The following PACRGL variants were observed in gnomAD, a reference collection of about 807,000 sequenced individuals.
PACRGL encodes the protein PACRG-like protein.
Under a neutral mutation model 34.5 loss-of-function variants are expected in PACRGL, and 38 were observed. The ratio of observed to expected loss-of-function variants is 1.10; its 90% CI spans 0.85 to 1.44. The LOEUF (loss-of-function observed/expected upper bound fraction) is 1.44, where lower values mean the gene tolerates loss of function less well. Among genes scored for constraint, PACRGL ranks in the 40% most tolerant of loss-of-function variants. The pLI is 0.00. For missense variants in PACRGL, 305 were observed against 281.4 expected (o/e 1.08, Z -0.60); for synonymous variants, 128 against 100.1 (o/e 1.28, Z -1.66).
Position 20,727,744 on chromosome 4 carries a change from A to G in PACRGL, c.*403A>G, listed in dbSNP as rs1167269971. Reference sequence around the variant, plus strand: ...TGGGTTTAATGTTTAACAAGGCTATAGAAGTTTAAAATAGTGGACAAATGT... The same window carrying G: ...TGGGTTTAATGTTTAACAAGGCTATGGAAGTTTAAAATAGTGGACAAATGT... On this transcript the variant is annotated 3_prime_UTR_variant, in exon 9 of 9. Transcript: ENST00000503585. 3 of 162,754 alleles carry G rather than the reference A, an allele frequency of 1.8e-5. No individual in the cohort carries two copies. Among genetic ancestry groups the G allele is most frequent in the African/African-American group, 7.2e-5 (3 of 41,656 alleles). The allele number at this position is 162,754 out of a possible 1,614,324, so 10.1% of individuals were successfully genotyped here. A position where few individuals can be genotyped will look rare whatever the true frequency, so the allele number is the denominator to read the frequency against.
In PACRGL at chr4:20,731,301, T is replaced by C. The variant is rs1229753530; in HGVS notation, c.*3960T>C. 2 of 737,278 alleles carry C rather than the reference T, an allele frequency of 2.7e-6. No individual in the cohort carries two copies. Among genetic ancestry groups the C allele is most frequent in the Non-Finnish European group, 3.3e-6 (2 of 603,532 alleles). 45.7% of individuals were successfully genotyped at this position (737,278 alleles called of 1,614,324 possible). On this transcript the variant is annotated 3_prime_UTR_variant, in exon 9 of 9. Transcript: ENST00000503585. ...GTTGCCCACATTGGACTCAAAATCC[T>C]GGCCTTAAGTTATCTTCCCGCCTCA...
At chr4:20,714,660 G>T (rs934222639) in intron 7 of PACRGL, among the ~76,000 whole-genome samples, 1 of 152,048 alleles carries the variant, frequency 6.6e-6, no homozygotes, top group Non-Finnish European at 1.5e-5. Context: ...TCCATGTTTA[G>T]TGCTTCCTTC....
chr4:20,725,468 G>C (rs1170560443), intron 8 of PACRGL, among the ~76,000 whole-genome samples: 1 of 152,088 alleles, frequency 6.6e-6, no homozygotes, highest in Non-Finnish European at 1.5e-5. Flanking sequence ...TAACTGTATG[G>C]TGTCAGATTA....
chr4:20,707,048 G>C (rs925880245), intron 3 of PACRGL, among the ~76,000 whole-genome samples: 2 of 151,950 alleles, frequency 1.3e-5, no homozygotes, highest in African/African-American at 4.8e-5. Flanking sequence ...CTTTAAAACA[G>C]GTCAATTTAT....
At chr4:20,717,383 G>A (rs1740636835) in intron 7 of PACRGL, among the ~76,000 whole-genome samples, 1 of 152,164 alleles carries the variant, frequency 6.6e-6, no homozygotes, top group Non-Finnish European at 1.5e-5. Context: ...ATTGCTTTTT[G>A]TGTTTTAGAC....
chr4:20,766,861 G>A, the PACRGL span: 1 of 152,140 alleles, frequency 6.6e-6, no homozygotes, highest in Non-Finnish European at 1.5e-5. Context: ...GAAGGCCTGG[G>A]TTGAACCCCT....
chr4:20,718,666 C>T (rs1383336187), intron 7 of PACRGL: 3 of 152,264 alleles, frequency 2.0e-5, no homozygotes, highest in East Asian at 3.9e-4. Flanking sequence ...CCTTGCATCC[C>T]AGGGATGAAG....
At chr4:20,716,305 C>T in intron 7 of PACRGL, 1 of 584,032 alleles carries the variant, frequency 1.7e-6, no homozygotes, top group South Asian at 2.2e-5. Flanking sequence ...TTTCAGTTTT[C>T]TTCTCCTAGT....
At chr4:20,707,212 C>T (rs769722550) in intron 3 of PACRGL, among the ~76,000 whole-genome samples, 5 of 151,922 alleles carry the variant, frequency 3.3e-5, no homozygotes, top group African/African-American at 2.4e-5. Context: ...TGTGATTGAC[C>T]ATCCCTTAAA....
At chr4:20,765,740 T>G in the PACRGL span, among the ~76,000 whole-genome samples, 1 of 152,210 alleles carries the variant, frequency 6.6e-6, no homozygotes, top group African/African-American at 2.4e-5. Context: ...AACCCTTCAC[T>G]GTGATATGAT....
intron 5 of PACRGL, 183 bp from the exon 6 acceptor site, chr4:20,712,605 A>G (rs1393215397): frequency 1.9e-6 from 1 of 518,306 alleles, no homozygotes; most frequent in Non-Finnish European, 3.0e-6. Context: ...TTGGGATACC[A>G]AGGGACCCTT....
intron 7 of PACRGL, among the ~76,000 whole-genome samples, chr4:20,715,587 C>A (rs2149121188): frequency 6.6e-6 from 1 of 151,878 alleles, no homozygotes; most frequent in East Asian, 1.9e-4. Flanking sequence ...AAGTAAACCA[C>A]CCGGGCGTAG....
At chr4:20,699,710 A>C (rs1358498793), upstream of PACRGL, among the ~76,000 whole-genome samples, 1 of 152,168 alleles carries the variant, frequency 6.6e-6, no homozygotes, top group East Asian at 1.9e-4. Flanking sequence ...AGTGCAGTGG[A>C]CAGGTCCAAA....
intron 2 of PACRGL, 49 bp downstream of exon 2, chr4:20,704,582 CT>C: frequency 6.2e-7 from 1 of 1,613,036 alleles, no homozygotes; most frequent in Non-Finnish European, 8.5e-7. Context: ...GTTCATGGCA[CT>C]TTCTGTGCTA....
the PACRGL span, among the ~76,000 whole-genome samples, chr4:20,764,285 T>C: frequency 4.6e-5 from 7 of 152,280 alleles, no homozygotes; most frequent in South Asian, 2.1e-4. Flanking sequence ...AAATAAAGTT[T>C]TAATAAGACA....
intron 8 of PACRGL, among the ~76,000 whole-genome samples, chr4:20,742,812 A>C (rs1364591895): frequency 1.3e-5 from 2 of 152,124 alleles, no homozygotes; most frequent in African/African-American, 4.8e-5. Flanking sequence ...ATATTTAGAA[A>C]ACCCTGTCGT....
At chr4:20,746,391 A>C (rs977424232) in intron 8 of PACRGL, among the ~76,000 whole-genome samples, 11 of 151,948 alleles carry the variant, frequency 7.2e-5, no homozygotes, top group African/African-American at 2.7e-4. Context: ...GGGCTAGGGG[A>C]GGGATAATAT....
chr4:20,744,716 A>G (rs1175835786), intron 8 of PACRGL, among the ~76,000 whole-genome samples: 2 of 152,240 alleles, frequency 1.3e-5, no homozygotes, highest in Non-Finnish European at 2.9e-5. Flanking sequence ...ATGTATACAT[A>G]TGTAACAAAC....
intron 8 of PACRGL, among the ~76,000 whole-genome samples, chr4:20,740,196 C>G (rs893373818): frequency 6.6e-6 from 1 of 152,088 alleles, no homozygotes; most frequent in African/African-American, 2.4e-5. Flanking sequence ...CGCAACCTAG[C>G]AAGTCAGGCC....
Sources: gnomAD v4.1 joint callset for allele counts (sites outside exome capture counted in the v4.1 genomes callset) on GRCh38, gnomAD v4.1.1 for gene constraint, MANE v1.5 for transcripts, NCBI Gene and HGNC (gene_info 2026-07-23, HGNC 2026-07-21) for gene names.